Variants in NWD1 observed in about 807,000 individuals in gnomAD.
NWD1 encodes the protein NACHT domain- and WD repeat-containing protein 1.
A neutral mutation model predicts 135.1 loss-of-function variants in NWD1; 129 were observed. The ratio of observed to expected loss-of-function variants is 0.96; its 90% CI spans 0.83 to 1.11. The LOEUF is 1.11. Ranked by LOEUF, NWD1 falls within the 50% of genes least tolerant of loss-of-function variation. The pLI, the probability that NWD1 is intolerant of heterozygous loss-of-function variation, is 0.00. For missense variants in NWD1, 1,740 were observed against 1,851.3 expected (o/e 0.94, Z 1.10); for synonymous variants, 773 against 786.0 (o/e 0.98, Z 0.28).
In NWD1 at chr19:16,731,150, C is replaced by T. The variant is rs1205169697; in HGVS notation, c.-6-42C>T. 2.9e-6 allele frequency: 3 copies of T among 1,044,718 alleles called. No homozygotes were observed. In the Admixed American group the frequency reaches 6.6e-5, roughly 23 times the overall value. The allele number at this position is 1,044,718 out of a possible 1,614,324, so 64.7% of individuals were successfully genotyped here. On this transcript the variant is annotated intron_variant, in intron 2 of 18. Coordinates refer to ENST00000524140, the MANE Select transcript of NWD1 (RefSeq NM_001007525.5). Reference sequence around the variant, plus strand: ...CAGAGCTATGAGGCTGGGAAGAGTTCTGAGTCCTTTCCACTAATACCCTCC... The same window carrying T: ...CAGAGCTATGAGGCTGGGAAGAGTTTTGAGTCCTTTCCACTAATACCCTCC...
At chr19:16,787,698 A>G (rs1016084679) in intron 12 of NWD1, among the ~76,000 whole-genome samples, 17 of 151,072 alleles carry the variant, frequency 1.1e-4, no homozygotes, top group Admixed American at 5.3e-4. Flanking sequence ...CATCTCTACT[A>G]AAAATACAAA....
At chr19:16,772,981 A>AGACAGGAGCG in intron 10 of NWD1, 145 bp from the exon 11 acceptor site, 1 of 687,934 alleles carries the variant, frequency 1.5e-6, no homozygotes, top group Non-Finnish European at 2.6e-6. Flanking sequence ...GCAGAGAAGG[A>AGACAGGAGCG]GACAGGAGCG....
In NWD1 at chr19:16,750,244, G is replaced by C; in HGVS notation, c.1602G>C (p.Gly534=). The C allele has an allele frequency of 6.2e-7, 1 of 1,613,610 alleles. No homozygotes were observed. Among genetic ancestry groups the C allele is most frequent in the Non-Finnish European group, 8.5e-7 (1 of 1,179,882 alleles). Residue 534 remains glycine (G), a synonymous_variant, in exon 6 of 19, where the codon GGG becomes GGC. Transcript: ENST00000524140. ...GCCTCCCAGAGTGTGGGAACCCAGGGCGGCTGAGGCTGGCGTTTGAGGAAG... is the reference window on the plus strand; with the variant it reads ...GCCTCCCAGAGTGTGGGAACCCAGGCCGGCTGAGGCTGGCGTTTGAGGAAG... ...WASLPECGNP[G]RLRLAFEEAR...
chr19:16,772,327 T>C (rs1969443523), intron 10 of NWD1, among the ~76,000 whole-genome samples: 2 of 152,166 alleles, frequency 1.3e-5, no homozygotes, highest in African/African-American at 4.8e-5. Context: ...ATCGTGCCAC[T>C]GCACTCCAGC....
rs759471981 is a variant in NWD1, at chr19:16,732,654, C to CA, written c.81+1391dup. The stretch of plus-strand genomic sequence containing the variant: ...TGGATGACAGAGCAAGACTTCATCT[C>CA]AAAAAAAAAAAAAAAGAAAAAGTGA... On this transcript the variant is annotated intron_variant, in intron 3 of 18. Transcript: ENST00000524140. 4.0e-3 allele frequency among the ~76,000 whole-genome samples: 120 copies of CA among 30,300 alleles called. 4 individuals carry two copies. The highest frequency in any genetic ancestry group is 8.7e-3 in the South Asian group (10 of 1,144). 19.9% of individuals were successfully genotyped at this position (30,300 alleles called of 152,430 possible).
chr19:16,748,040 G>A (rs1317539497), intron 5 of NWD1, among the ~76,000 whole-genome samples: 1 of 152,202 alleles, frequency 6.6e-6, no homozygotes, highest in Non-Finnish European at 1.5e-5. Context: ...CTGAAGTGCA[G>A]TGACATGATC....
chr19:16,732,659 A>AAAAAAAAAAG lies in NWD1; in HGVS notation c.81+1390_81+1391insGAAAAAAAAA, dbSNP rs1568334944. 1.7e-5 allele frequency among the ~76,000 whole-genome samples: 2 copies of AAAAAAAAAAG among 116,902 alleles called. 1 individual carries two copies. The highest frequency in any genetic ancestry group is 8.3e-5 in the African/African-American group (2 of 23,986). The allele number at this position is 116,902 out of a possible 152,430, so 76.7% of individuals were successfully genotyped here. The stretch of plus-strand genomic sequence containing the variant: ...GACAGAGCAAGACTTCATCTCAAAA[A>AAAAAAAAAAG]AAAAAAAAAAGAAAAAGTGAAAAAG... On this transcript the variant is annotated intron_variant, in intron 3 of 18. Coordinates refer to ENST00000524140, the MANE Select transcript of NWD1 (RefSeq NM_001007525.5).
At chr19:16,736,234 TC>T (rs1568337863) in intron 3 of NWD1, among the ~76,000 whole-genome samples, 41 of 150,352 alleles carry the variant, frequency 2.7e-4, no homozygotes, top group South Asian at 6.3e-4. Context: ...CCTACCTTCC[TC>T]TCTCTCTTTC....
chr19:16,808,014 A>C lies in NWD1; in HGVS notation c.4165A>C (p.Ser1389Arg), dbSNP rs1970808614. The C allele has an allele frequency of 6.2e-7, 1 of 1,613,928 alleles. No homozygotes were observed. The highest frequency in any genetic ancestry group is 1.3e-5 in the African/African-American group (1 of 74,888). Residue 1389 changes from serine (S) to arginine (R), a missense_variant, in exon 18 of 19, where the codon AGC (serine) becomes CGC (arginine). Coordinates refer to ENST00000524140, the MANE Select transcript of NWD1 (RefSeq NM_001007525.5). ...SKAFPLETHR[S>R]RVACVEVSHK... Reference sequence around the variant, plus strand: ...AGCGTTTCCCTTGGAGACCCACAGGAGCCGAGTTGCCTGTGTGGAGGTCAG... The same window carrying C: ...AGCGTTTCCCTTGGAGACCCACAGGCGCCGAGTTGCCTGTGTGGAGGTCAG...
intron 14 of NWD1, 112 bp downstream of exon 14, chr19:16,791,734 A>G: frequency 1.7e-6 from 2 of 1,159,970 alleles, no homozygotes; most frequent in Admixed American, 2.0e-5. Flanking sequence ...TGTTTTGGAG[A>G]TGAAGTTTCA....
intron 5 of NWD1, among the ~76,000 whole-genome samples, chr19:16,746,694 A>C (rs1402550435): frequency 3.9e-5 from 2 of 50,934 alleles, no homozygotes; most frequent in African/African-American, 1.2e-4. Flanking sequence ...AAAAAACAAC[A>C]AAAAAAAACA....
At chr19:16,765,248 C>T in intron 10 of NWD1, 56 bp downstream of exon 10, 1 of 1,510,462 alleles carries the variant, frequency 6.6e-7, no homozygotes. Context: ...CTTCTAGAAA[C>T]ATGCTCTCCT....
At chr19:16,733,762 G>T (rs113048297) in intron 3 of NWD1, among the ~76,000 whole-genome samples, 1 of 151,584 alleles carries the variant, frequency 6.6e-6, no homozygotes, top group Non-Finnish European at 1.5e-5. Context: ...CCTCTGACGC[G>T]GATGCTGTCA....
chr19:16,769,861 A>G (rs1199561236), intron 10 of NWD1, among the ~76,000 whole-genome samples: 4 of 152,084 alleles, frequency 2.6e-5, no homozygotes, highest in South Asian at 4.1e-4. Flanking sequence ...TTTTAGAGAC[A>G]AAGTCTTGCC....
chr19:16,796,707 C>G (rs1236238478), intron 15 of NWD1, among the ~76,000 whole-genome samples: 1 of 151,930 alleles, frequency 6.6e-6, no homozygotes, highest in Non-Finnish European at 1.5e-5. Flanking sequence ...TTTTCTTCCT[C>G]TCTACCTCCT....
intron 10 of NWD1, among the ~76,000 whole-genome samples, chr19:16,767,650 C>T (rs60100694): frequency 0.18 from 27,088 of 151,896 alleles, 5,705 homozygotes; most frequent in African/African-American, 0.51. Context: ...CTCGTGAAAA[C>T]TCACTGTCAT....
intron 5 of NWD1, among the ~76,000 whole-genome samples, chr19:16,747,045 T>C (rs935878762): frequency 6.6e-6 from 1 of 150,938 alleles, no homozygotes; most frequent in African/African-American, 2.4e-5. Flanking sequence ...CTTTCTTTTT[T>C]TTTTTTTTTG....
chr19:16,773,648 C>T (rs1307785236), intron 11 of NWD1, among the ~76,000 whole-genome samples: 3 of 152,180 alleles, frequency 2.0e-5, no homozygotes, highest in Non-Finnish European at 4.4e-5. Flanking sequence ...AAGCTAGGAA[C>T]TGATGCCTGA....
At position 16,766,035 on chromosome 19, in the gene NWD1, A is replaced by AAT. The variant is rs1378945752; in HGVS notation, c.2410+843_2410+844insAT. ...CCGTCTCAAAAAAAAAAAAAAAAAA[A>AAT]GAAAGAAAGAAAAGAAAGCACCAGA... On this transcript the variant is annotated intron_variant, in intron 10 of 18. Coordinates refer to ENST00000524140, the MANE Select transcript of NWD1 (RefSeq NM_001007525.5). Among the ~76,000 whole-genome samples the AAT allele has an allele frequency of 1.9e-4, 28 of 148,780 alleles. No homozygotes were observed. The East Asian group carries it at 5.5e-3, about 29-fold the overall frequency.
Sources: allele counts gnomAD v4.1 joint callset (sites outside exome capture counted in the v4.1 genomes callset), GRCh38; gene constraint gnomAD v4.1.1; transcripts MANE v1.5; gene names NCBI Gene and HGNC (gene_info 2026-07-23, HGNC 2026-07-21).